The following AGBL4 variants were observed in gnomAD, a reference collection of about 807,000 sequenced individuals.
The protein encoded by AGBL4 is AGBL carboxypeptidase 4.
Under a neutral mutation model 66.4 loss-of-function variants are expected in AGBL4, and 58 were observed. That is an observed-to-expected ratio of 0.87 (90% confidence interval 0.71 to 1.09). The LOEUF (loss-of-function observed/expected upper bound fraction) is 1.09. Among genes scored for constraint, AGBL4 ranks in the 50% least tolerant of loss-of-function variants. AGBL4 has a pLI of 0.00. For synonymous variants in AGBL4, 234 were observed against 222.9 expected (o/e 1.05, Z -0.44); for missense variants, 579 against 631.0 (o/e 0.92, Z 0.88).
At chr1:49,653,467 G>A (rs1205726116) in intron 3 of AGBL4, among the ~76,000 whole-genome samples, 3 of 152,004 alleles carry the variant, frequency 2.0e-5, no homozygotes, top group Admixed American at 2.0e-4. Context: ...CGCTAAGGCT[G>A]AAATGGATGA....
chr1:49,053,027 T>C (rs549904732), intron 4 of AGBL4, among the ~76,000 whole-genome samples: 2 of 152,290 alleles, frequency 1.3e-5, no homozygotes, highest in East Asian at 3.9e-4. Flanking sequence ...AGATTTGTTG[T>C]GAAGTTTGGA....
At chr1:48,980,627 G>C (rs2148964234) in intron 5 of AGBL4, among the ~76,000 whole-genome samples, 1 of 150,996 alleles carries the variant, frequency 6.6e-6, no homozygotes, top group East Asian at 2.0e-4. Flanking sequence ...TTGAGCCCAG[G>C]AGTTCAAGGC....
chr1:49,073,094 AC>A (rs1194952808), intron 4 of AGBL4, among the ~76,000 whole-genome samples: 3 of 151,892 alleles, frequency 2.0e-5, no homozygotes, highest in Non-Finnish European at 4.4e-5. Flanking sequence ...TTCAGCTCCA[AC>A]GGGTCATTTA....
intron 4 of AGBL4, among the ~76,000 whole-genome samples, chr1:49,118,192 A>G (rs184101353): frequency 6.6e-6 from 1 of 152,240 alleles, no homozygotes; most frequent in Admixed American, 6.5e-5. Flanking sequence ...TCTTTTCCTA[A>G]TTGCATACCC....
chr1:49,765,234 A>C (rs1396479775), intron 2 of AGBL4, among the ~76,000 whole-genome samples: 2 of 150,830 alleles, frequency 1.3e-5, no homozygotes, highest in East Asian at 3.9e-4. Flanking sequence ...ATCAGTACAA[A>C]CCCCCCTGCT....
intron 3 of AGBL4, among the ~76,000 whole-genome samples, chr1:49,559,606 C>T (rs1456075645): frequency 6.6e-6 from 1 of 152,170 alleles, no homozygotes; most frequent in Non-Finnish European, 1.5e-5. Flanking sequence ...GTGGAAAAAA[C>T]TGACTTGCTG....
At chr1:49,283,187 C>G (rs1330275125) in intron 3 of AGBL4, among the ~76,000 whole-genome samples, 1 of 152,206 alleles carries the variant, frequency 6.6e-6, no homozygotes, top group African/African-American at 2.4e-5. Flanking sequence ...AACGGGCAGA[C>G]TGCCTCCTCA....
intron 2 of AGBL4, chr1:49,844,799 G>T: frequency 6.4e-7 from 1 of 1,561,396 alleles, no homozygotes; most frequent in South Asian, 1.1e-5. Context: ...GATGGTCTGT[G>T]GTACTGCAGG....
chr1:49,511,433 C>A lies in AGBL4; in HGVS notation c.282+185880G>T, dbSNP rs1345083848. 3.3e-5 allele frequency among the ~76,000 whole-genome samples: 4 copies of A among 120,028 alleles called. No homozygotes were observed. In the East Asian group the frequency reaches 7.5e-4, roughly 22 times the overall value. 78.7% of individuals were successfully genotyped at this position (120,028 alleles called of 152,430 possible). A position where few individuals can be genotyped will look rare whatever the true frequency, so the allele number is the denominator to read the frequency against. On this transcript the variant is annotated intron_variant, in intron 3 of 13. Transcript: ENST00000371839. The stretch of plus-strand genomic sequence containing the variant: ...GATCACATGGACACAGGAAGGGGAA[C>A]ATCACACTCTGGGGACTGTTGTGGG...
At chr1:49,949,765 T>C (rs1400678122) in intron 1 of AGBL4, among the ~76,000 whole-genome samples, 2 of 151,676 alleles carry the variant, frequency 1.3e-5, no homozygotes, top group African/African-American at 4.8e-5. Flanking sequence ...GGATGTAAAC[T>C]AGCACAACCA....
chr1:48,766,416 T>C (rs964077437), intron 6 of AGBL4, among the ~76,000 whole-genome samples: 2 of 152,148 alleles, frequency 1.3e-5, no homozygotes, highest in African/African-American at 4.8e-5. Context: ...GTTGAGGACA[T>C]CTAAATTCCC....
chr1:49,554,162 C>A (rs1653208322), intron 3 of AGBL4, among the ~76,000 whole-genome samples: 1 of 152,062 alleles, frequency 6.6e-6, no homozygotes, highest in African/African-American at 2.4e-5. Context: ...AGTCTCAGAG[C>A]TAAGACATAT....
At chr1:49,197,216 T>G (rs557642451) in intron 4 of AGBL4, among the ~76,000 whole-genome samples, 1 of 152,294 alleles carries the variant, frequency 6.6e-6, no homozygotes, top group Admixed American at 6.5e-5. Flanking sequence ...TGTTTATAAA[T>G]AGCTTTACTG....
At chr1:49,831,763 T>A (rs1645687413) in intron 2 of AGBL4, among the ~76,000 whole-genome samples, 1 of 152,176 alleles carries the variant, frequency 6.6e-6, no homozygotes, top group African/African-American at 2.4e-5. Context: ...AAATAGCTCT[T>A]ACTGTTTTGA....
chr1:49,027,607 T>A (rs1663824851), intron 5 of AGBL4, among the ~76,000 whole-genome samples: 2 of 152,120 alleles, frequency 1.3e-5, no homozygotes, highest in Non-Finnish European at 1.5e-5. Flanking sequence ...CCTCTCTACC[T>A]ACTTCCTAGT....
intron 1 of AGBL4, among the ~76,000 whole-genome samples, chr1:49,951,194 G>C (rs995586120): frequency 6.6e-6 from 1 of 151,814 alleles, no homozygotes; most frequent in Non-Finnish European, 1.5e-5. Context: ...TTGCATGTTT[G>C]AAAATTGCTA....
At chr1:49,101,015 C>G (rs1446607750) in intron 4 of AGBL4, among the ~76,000 whole-genome samples, 1 of 152,010 alleles carries the variant, frequency 6.6e-6, no homozygotes, top group Non-Finnish European at 1.5e-5. Flanking sequence ...CTCAATGAGC[C>G]TGGGTTCCAG....
In AGBL4 at chr1:49,257,983, G is replaced by C. The variant is rs190512092; in HGVS notation, c.283-12119C>G. Among the ~76,000 whole-genome samples, 9 of 152,302 alleles carry C rather than the reference G, an allele frequency of 5.9e-5. No individual in the cohort carries two copies. In the East Asian group the frequency reaches 1.5e-3, roughly 26 times the overall value. ...GACAAAACTTCCAGAGGAACGATCA[G>C]ACAGCAGCATTTGCAGTTCATGAAA... On this transcript the variant is annotated intron_variant, in intron 3 of 13. Transcript: ENST00000371839.
In AGBL4 at chr1:49,060,717, C is replaced by A. The variant is rs1644387949; in HGVS notation, c.378-14917G>T. Among the ~76,000 whole-genome samples, 4 of 152,060 alleles carry A rather than the reference C, an allele frequency of 2.6e-5. No homozygotes were observed. The South Asian group carries it at 8.3e-4, about 32-fold the overall frequency. On this transcript the variant is annotated intron_variant, in intron 4 of 13. Coordinates refer to ENST00000371839, the MANE Select transcript of AGBL4 (RefSeq NM_032785.4). ...AAGGTTGAGTGTGCTTAATAACAGA[C>A]AAAGAAATACAGGAAAATAGGACAA...
Sources: allele counts gnomAD v4.1 joint callset (sites outside exome capture counted in the v4.1 genomes callset), GRCh38; gene constraint gnomAD v4.1.1; transcripts MANE v1.5; gene names NCBI Gene and HGNC (gene_info 2026-07-23, HGNC 2026-07-21).